The following PLA2G4F variants were observed in gnomAD, a reference collection of about 807,000 sequenced individuals.
The protein encoded by PLA2G4F is phospholipase A2 group IVF.
A neutral mutation model predicts 103.1 loss-of-function variants in PLA2G4F; 105 were observed. That is an observed-to-expected ratio of 1.02 (90% CI 0.87 to 1.20). The LOEUF (loss-of-function observed/expected upper bound fraction) is 1.20, where lower values mean the gene tolerates loss of function less well. Ranked by LOEUF, PLA2G4F falls within the 50% of genes most tolerant of loss-of-function variation. PLA2G4F has a pLI of 0.00. For synonymous variants in PLA2G4F, 468 were observed against 441.1 expected (o/e 1.06, Z -0.76); for missense variants, 1,155 against 1,075.9 (o/e 1.07, Z -1.03).
At position 42,150,708 on chromosome 15, in the gene PLA2G4F, G is replaced by T. The variant is rs144476614; in HGVS notation, c.671C>A (p.Pro224His). The change falls in exon 8 of 20, where the codon CCC (proline) becomes CAC (histidine). Residue 224 changes from proline (P) to histidine (H), a missense_variant. Physicochemically the swap from Pro to His is moderately conservative, Grantham distance 77 (BLOSUM62 -2). Coordinates refer to ENST00000397272, the MANE Select transcript of PLA2G4F (RefSeq NM_213600.4). ...EKPQLLPLQP[P>H]TEPGLPPTFT... ...GGTGGGTGGGAGGCCTGGCTCTGTG[G>T]GAGGCTGCAGGGGCAAGAGCTGTGG... 2 of 1,613,384 alleles carry T rather than the reference G, an allele frequency of 1.2e-6. No individual in the cohort carries two copies. The highest frequency in any genetic ancestry group is 1.7e-6 in the Non-Finnish European group (2 of 1,179,822).
Position 42,155,560 on chromosome 15 carries a change from C to G in PLA2G4F, c.141G>C (p.Gln47His). The G allele has an allele frequency of 6.2e-7, 1 of 1,614,120 alleles. No homozygotes were observed. Among genetic ancestry groups the G allele is most frequent in the Non-Finnish European group, 8.5e-7 (1 of 1,179,976 alleles). The change falls in exon 2 of 20, where the codon CAG becomes CAC. Residue 47 changes from glutamine (Q) to histidine (H), a missense_variant. Around this residue, in one of 3 missense-constraint regions of PLA2G4F, gnomAD observed 370 missense variants for 364.9 expected, o/e 1.01. Transcript: ENST00000397272. ...RRETYPYYDL[Q>H]VKVLRATNIR... The stretch of plus-strand genomic sequence containing the variant: ...TGTTTGTGGCCCTCAGCACCTTCAC[C>G]TGGAGGTCATAGTATGGGTAGGTTT...
chr15:42,146,959 A>T, intron 13 of PLA2G4F, 165 bp downstream of exon 13: 1 of 672,830 alleles, frequency 1.5e-6, no homozygotes, highest in Non-Finnish European at 2.5e-6. Context: ...AGGGAGGCAA[A>T]ATGGTACCAG....
chr15:42,141,302 A>G lies in PLA2G4F; in HGVS notation c.*682T>C. The G allele has an allele frequency of 2.2e-6, 1 of 456,748 alleles. No individual in the cohort carries two copies. Among genetic ancestry groups the G allele is most frequent in the Non-Finnish European group, 4.4e-6 (1 of 226,982 alleles). The allele number at this position is 456,748 out of a possible 1,614,324, so 28.3% of individuals were successfully genotyped here. On this transcript the variant is annotated 3_prime_UTR_variant, in exon 20 of 20. Transcript: ENST00000397272. ...GAAGAGTGAAGCCTGGGTAACTGGC[A>G]GGGAGACACGCGCACATCTCCCACC...
chr15:42,148,164 AG>A (rs1202686334), intron 11 of PLA2G4F, among the ~76,000 whole-genome samples: 14 of 148,800 alleles, frequency 9.4e-5, no homozygotes, highest in Non-Finnish European at 1.8e-4. Context: ...CCTGGGCGAC[AG>A]AGCGAGACTC....
Position 42,145,849 on chromosome 15 carries a change from A to G in PLA2G4F, c.1589T>C (p.Val530Ala), listed in dbSNP as rs764331545. ...TTCTGAGCCGAAGAGCTCGGTGGGA[A>G]CATAAGCCCCGTACTTGGGGAAGCC... ...EVGFPKYGAYVPTELFGSELF... is the reference protein window; with the variant it reads ...EVGFPKYGAYAPTELFGSELF... The change falls in exon 15 of 20, where the codon GTT (valine) becomes GCT (alanine). Residue 530 changes from valine to alanine, a missense_variant. This residue lies in a region of PLA2G4F where 782 missense variants were observed against 692.9 expected (regional missense o/e 1.13). Transcript: ENST00000397272. 2 of 1,614,088 alleles carry G rather than the reference A, an allele frequency of 1.2e-6. No individual in the cohort carries two copies. The highest frequency in any genetic ancestry group is 2.2e-5 in the South Asian group (2 of 91,084).
chr15:42,149,231 G>T, intron 11 of PLA2G4F: 1 of 922,002 alleles, frequency 1.1e-6, no homozygotes, highest in Non-Finnish European at 1.3e-6. Flanking sequence ...GGCCTACAAG[G>T]AGGTAATAAA....
At position 42,150,394 on chromosome 15, in the gene PLA2G4F, CTG is replaced by C; in HGVS notation, c.862_863del (p.Gln288ValfsTer31). 1.2e-6 allele frequency: 2 copies of C among 1,612,244 alleles called. No individual in the cohort carries two copies. The highest frequency in any genetic ancestry group is 8.5e-7 in the Non-Finnish European group (1 of 1,179,522). ...TTACCTCCCCCAGGGCCACAGAACA[CTG>C]TTCCTCCTGGCCTAGGGGCAGAGAG... ...LSSLPLGQEE[Q>X]CSVALGEGQE... On this transcript the variant is annotated frameshift_variant, in exon 9 of 20. Coordinates refer to ENST00000397272, the MANE Select transcript of PLA2G4F (RefSeq NM_213600.4). LOFTEE classifies it high-confidence loss of function.
chr15:42,142,213 G>T lies in PLA2G4F; in HGVS notation c.2330-9C>A. The T allele has an allele frequency of 1.2e-6, 2 of 1,604,020 alleles. No homozygotes were observed. The highest frequency in any genetic ancestry group is 1.1e-5 in the South Asian group (1 of 89,302). ...TGTTTGTCGCTCCACACCTGTGGGT[G>T]GGGGAAGCAGAGGAGAGGCCAGGAT... On this transcript the variant is annotated splice_polypyrimidine_tract_variant and intron_variant, in intron 19 of 19. Transcript: ENST00000397272.
chr15:42,146,210 T>A lies in PLA2G4F; in HGVS notation c.1451A>T (p.Glu484Val). The change falls in exon 14 of 20, where the codon GAG (glutamate) becomes GTG (valine). Residue 484 changes from glutamate to valine, a missense_variant. Coordinates refer to ENST00000397272, the MANE Select transcript of PLA2G4F (RefSeq NM_213600.4). ...AGGGTTCTGACCCTGGCGGACCGCC[T>A]CCTGTTGGTCAGACAGCTTGGCAGG... ...ENPAKLSDQQ[E>V]AVRQGQNPYP... The A allele has an allele frequency of 6.2e-7, 1 of 1,614,248 alleles. No homozygotes were observed. The highest frequency in any genetic ancestry group is 8.5e-7 in the Non-Finnish European group (1 of 1,180,038).
In PLA2G4F at chr15:42,153,657, AATCCTAC is replaced by A; in HGVS notation, c.451-4_453del. On this transcript the variant is annotated splice_acceptor_variant and splice_polypyrimidine_tract_variant and coding_sequence_variant and intron_variant, in exon 5 of 20. Coordinates refer to ENST00000397272, the MANE Select transcript of PLA2G4F (RefSeq NM_213600.4). LOFTEE classifies it high-confidence loss of function. The stretch of plus-strand genomic sequence containing the variant: ...ACAAATTCCACCTGCAGCTCTTGTG[AATCCTAC>A]ATGGAGGGGGAGGGAGCACCAATTT... 6.2e-7 allele frequency: 1 copy of A among 1,614,158 alleles called. No homozygotes were observed. The highest frequency in any genetic ancestry group is 8.5e-7 in the Non-Finnish European group (1 of 1,180,008).
At position 42,150,402 on chromosome 15, in the gene PLA2G4F, C is replaced by T. The variant is rs1261500162; in HGVS notation, c.856G>A (p.Glu286Lys). 2.5e-6 allele frequency: 4 copies of T among 1,612,846 alleles called. No homozygotes were observed. Among genetic ancestry groups the T allele is most frequent in the Non-Finnish European group, 3.4e-6 (4 of 1,179,732 alleles). Reference protein sequence around the residue: ...ILLSSLPLGQEEQCSVALGEG... With the variant: ...ILLSSLPLGQKEQCSVALGEG... ...CCCAGGGCCACAGAACACTGTTCCT[C>T]CTGGCCTAGGGGCAGAGAGGAGAGC... The change falls in exon 9 of 20, where the codon GAG (glutamate) becomes AAG (lysine). Residue 286 changes from glutamate (E) to lysine (K), a missense_variant. By Grantham distance (56) the Glu-to-Lys change is moderately conservative (BLOSUM62 1). Transcript: ENST00000397272.
At chr15:42,149,409 A>G in intron 11 of PLA2G4F, 2 of 861,280 alleles carry the variant, frequency 2.3e-6, no homozygotes, top group South Asian at 1.1e-4. Flanking sequence ...AGCAGAAACC[A>G]ACCCTGATGA....
In PLA2G4F at chr15:42,140,768, CA is replaced by C. The variant is rs1339525834; in HGVS notation, c.*1215del. The C allele has an allele frequency of 3.1e-5, 5 of 163,580 alleles. No homozygotes were observed. The highest frequency in any genetic ancestry group is 6.7e-5 in the Non-Finnish European group (5 of 74,288). 10.1% of individuals were successfully genotyped at this position (163,580 alleles called of 1,614,324 possible). A position where few individuals can be genotyped will look rare whatever the true frequency, so the allele number is the denominator to read the frequency against. ...CGTGTCTGTGTGAGAGAGCATGGAG[CA>C]GGGGGTGCAGCCAAGAGGGAGCCCC... On this transcript the variant is annotated 3_prime_UTR_variant, in exon 20 of 20. Coordinates refer to ENST00000397272, the MANE Select transcript of PLA2G4F (RefSeq NM_213600.4).
In PLA2G4F at chr15:42,148,198, A is replaced by G. The variant is rs1011214675; in HGVS notation, c.1060-436T>C. Among the ~76,000 whole-genome samples, 18 of 151,790 alleles carry G rather than the reference A, an allele frequency of 1.2e-4. 1 individual carries two copies. In the South Asian group the frequency reaches 2.9e-3, roughly 25 times the overall value. The stretch of plus-strand genomic sequence containing the variant: ...CTCCGTCTCAAAAAAAAAAAAAAAA[A>G]AGAGAGAACCCCATTTTCCAGATGT... On this transcript the variant is annotated intron_variant, in intron 11 of 19. Coordinates refer to ENST00000397272, the MANE Select transcript of PLA2G4F (RefSeq NM_213600.4).
intron 7 of PLA2G4F, among the ~76,000 whole-genome samples, 156 bp downstream of exon 7, chr15:42,152,532 T>C (rs2048971177): frequency 6.6e-6 from 1 of 152,236 alleles, no homozygotes; most frequent in South Asian, 2.1e-4. Flanking sequence ...AGGGACAGGT[T>C]GTTCACTGCC....
intron 18 of PLA2G4F, among the ~76,000 whole-genome samples, chr15:42,143,108 G>A (rs1180262687): frequency 1.3e-5 from 2 of 148,776 alleles, no homozygotes; most frequent in African/African-American, 5.0e-5. Context: ...GAACCTAGGA[G>A]GCAGAGGTTG....
In PLA2G4F at chr15:42,140,866, A is replaced by T. The variant is rs1018949928; in HGVS notation, c.*1118T>A. On this transcript the variant is annotated 3_prime_UTR_variant, in exon 20 of 20. Coordinates refer to ENST00000397272, the MANE Select transcript of PLA2G4F (RefSeq NM_213600.4). ...TCCTAGGCAGCTCAGCACTGGAGGC[A>T]TATGCTGCAGAGGCCGTGGCCAGAT... is the stretch of plus-strand genomic sequence containing the variant. The T allele has an allele frequency of 4.4e-6, 1 of 229,840 alleles. No homozygotes were observed. The highest frequency in any genetic ancestry group is 8.9e-6 in the Non-Finnish European group (1 of 112,448). 14.2% of individuals were successfully genotyped at this position (229,840 alleles called of 1,614,324 possible).
In PLA2G4F at chr15:42,150,769, G is replaced by C. The variant is rs769515797; in HGVS notation, c.610C>G (p.Gln204Glu). The part of the protein sequence containing the change: ...TAPREEYGSR[Q>E]LQLAVPGAYE... ...GCTCCAGGCACTGCCAGCTGGAGCT[G>C]CCTAGAGCCTGAGAGCAGAGGGCCC... Residue 204 changes from glutamine to glutamate, a missense_variant, in exon 8 of 20, where the codon CAG becomes GAG. Gln to Glu is a conservative substitution (Grantham distance 29). Coordinates refer to ENST00000397272, the MANE Select transcript of PLA2G4F (RefSeq NM_213600.4). The C allele has an allele frequency of 6.2e-7, 1 of 1,607,000 alleles. No individual in the cohort carries two copies. The highest frequency in any genetic ancestry group is 1.7e-5 in the Admixed American group (1 of 58,776).
At chr15:42,146,340 AAG>A (rs2048885167) in intron 13 of PLA2G4F, 99 bp from the exon 14 acceptor site, 1 of 1,169,096 alleles carries the variant, frequency 8.6e-7, no homozygotes, top group Admixed American at 1.9e-5. Flanking sequence ...GTGTGCCCAC[AAG>A]AGAGGCTTTG....
Sources: allele counts gnomAD v4.1 joint callset (sites outside exome capture counted in the v4.1 genomes callset), GRCh38; gene constraint gnomAD v4.1.1; regional missense constraint gnomAD v4.1.1; transcripts MANE v1.5; gene names NCBI Gene and HGNC (gene_info 2026-07-23, HGNC 2026-07-21).